Variants in BLTP1 observed in about 807,000 individuals in gnomAD.
The protein encoded by BLTP1 is fragile site-associated protein.
At chr4:122,211,074 A>G in the BLTP1 span, 1 of 1,612,394 alleles carries the variant, frequency 6.2e-7, no homozygotes, top group Non-Finnish European at 8.5e-7. Flanking sequence ...GACCTCTACT[A>G]AATGCCTTTT....
At chr4:122,303,510 T>G in the BLTP1 span, among the ~76,000 whole-genome samples, 9,780 of 152,278 alleles carry the variant, frequency 0.064, 885 homozygotes, top group African/African-American at 0.2. Flanking sequence ...GGCTACAGTT[T>G]TCATAGATAG....
chr4:122,262,176 G>GTGTGTGTGTT, the BLTP1 span, among the ~76,000 whole-genome samples: 15 of 150,384 alleles, frequency 1.0e-4, no homozygotes, highest in Non-Finnish European at 1.9e-4. Flanking sequence ...GTGTGTGTGT[G>GTGTGTGTGTT]TGTGTGTGTG....
chr4:122,193,901 C>T, the BLTP1 span, among the ~76,000 whole-genome samples: 2 of 151,910 alleles, frequency 1.3e-5, no homozygotes, highest in Non-Finnish European at 1.5e-5. Context: ...CTCGCTCTGT[C>T]GCCCAGGCTG....
chr4:122,334,635 G>A, the BLTP1 span: 2 of 1,297,890 alleles, frequency 1.5e-6, no homozygotes, highest in Non-Finnish European at 2.1e-6. Flanking sequence ...CAATGCACAT[G>A]TTTAAGAAAA....
the BLTP1 span, chr4:122,169,601 A>G: frequency 4.2e-6 from 4 of 956,106 alleles, no homozygotes; most frequent in Non-Finnish European, 5.0e-6. Flanking sequence ...TAAAATATGA[A>G]CTTTGTTCCT....
At chr4:122,153,071 A>G in the BLTP1 span, 11 of 978,792 alleles carry the variant, frequency 1.1e-5, no homozygotes, top group Admixed American at 6.2e-5. Flanking sequence ...ACTGCACTCT[A>G]GAAGACTACG....
the BLTP1 span, chr4:122,203,718 G>C: frequency 4.5e-6 from 1 of 222,226 alleles, no homozygotes; most frequent in Non-Finnish European, 7.5e-6. Flanking sequence ...TATCAGTAAA[G>C]ATGTTATAGA....
the BLTP1 span, among the ~76,000 whole-genome samples, chr4:122,352,035 G>C: frequency 6.6e-6 from 1 of 152,172 alleles, no homozygotes; most frequent in Non-Finnish European, 1.5e-5. Flanking sequence ...TTTTGATATA[G>C]TAGGTACAGG....
At chr4:122,241,890 T>G in the BLTP1 span, among the ~76,000 whole-genome samples, 1 of 152,158 alleles carries the variant, frequency 6.6e-6, no homozygotes, top group Admixed American at 6.5e-5. Context: ...CAGTCAAATC[T>G]CTAGAGAAGA....
At chr4:122,289,894 C>A in the BLTP1 span, 2 of 625,164 alleles carry the variant, frequency 3.2e-6, no homozygotes, top group Non-Finnish European at 4.0e-6. Flanking sequence ...GAACAGGGTG[C>A]TATGAGTCTG....
chr4:122,152,907 C>G, the BLTP1 span: 4 of 795,222 alleles, frequency 5.0e-6, no homozygotes, highest in South Asian at 2.3e-4. Context: ...CACCCGCAGG[C>G]TCGGACTGCA....
the BLTP1 span, chr4:122,222,923 GT>G: frequency 5.8e-6 from 5 of 868,908 alleles, no homozygotes; most frequent in East Asian, 4.9e-4. Context: ...ATTTATTGGT[GT>G]ATCATGTAGG....
At chr4:122,171,472 T>A in the BLTP1 span, among the ~76,000 whole-genome samples, 1 of 151,968 alleles carries the variant, frequency 6.6e-6, no homozygotes, top group Non-Finnish European at 1.5e-5. Flanking sequence ...CAAAGGGTAA[T>A]GATAATATGT....
the BLTP1 span, chr4:122,353,175 GC>G: frequency 6.2e-7 from 1 of 1,609,330 alleles, no homozygotes; most frequent in South Asian, 1.1e-5. This position sits in a 1 kb window ranked among gnomAD's most constrained non-coding sequence, Gnocchi z 4.3. Flanking sequence ...CACATTTCCA[GC>G]TTTTACTTTC....
the BLTP1 span, among the ~76,000 whole-genome samples, chr4:122,321,480 G>A: frequency 1.9e-5 from 2 of 105,110 alleles, no homozygotes; most frequent in Non-Finnish European, 3.7e-5. Context: ...ATATACATGC[G>A]ATTTATATAT....
chr4:122,239,764 G>C, the BLTP1 span: 1 of 1,614,152 alleles, frequency 6.2e-7, no homozygotes, highest in Non-Finnish European at 8.5e-7. Flanking sequence ...CAGAGGAGAA[G>C]TTTTGGTTCA....
At chr4:122,181,959 C>T in the BLTP1 span, among the ~76,000 whole-genome samples, 1 of 152,132 alleles carries the variant, frequency 6.6e-6, no homozygotes, top group Non-Finnish European at 1.5e-5. Context: ...TTGATAACAT[C>T]TACCAACCTC....
At chr4:122,193,746 G>T in the BLTP1 span, 172 of 656,418 alleles carry the variant, frequency 2.6e-4, no homozygotes, top group Middle Eastern at 0.013. Flanking sequence ...ATATTACGGG[G>T]CCATTGATAG....
chr4:122,209,292 G>A, the BLTP1 span: 1 of 1,612,538 alleles, frequency 6.2e-7, no homozygotes, highest in Non-Finnish European at 8.5e-7. Context: ...TGTCAAAGTG[G>A]CCAGAAAACA....
Sources: allele counts gnomAD v4.1 joint callset (sites outside exome capture counted in the v4.1 genomes callset), GRCh38; gene constraint gnomAD v4.1.1; non-coding constraint Gnocchi (gnomAD v3.1); transcripts MANE v1.5; gene names NCBI Gene and HGNC (gene_info 2026-07-23, HGNC 2026-07-21).